The following CACNA1A variants were observed in gnomAD, a reference collection of about 807,000 sequenced individuals.
CACNA1A encodes calcium voltage-gated channel subunit alpha1 A.
A neutral mutation model predicts 262.4 loss-of-function variants in CACNA1A; 57 were observed. The ratio of observed to expected loss-of-function variants is 0.22; its 90% confidence interval spans 0.18 to 0.27. CACNA1A has a LOEUF of 0.27. Ranked by LOEUF, CACNA1A falls within the 10% of genes least tolerant of loss-of-function variation. The pLI, the probability that CACNA1A is intolerant of heterozygous loss-of-function variation, is 1.00. For missense variants in CACNA1A, 2,526 were observed against 3,562.8 expected (o/e 0.71, Z 7.41); for synonymous variants, 1,431 against 1,419.3 (o/e 1.01, Z -0.18).
At chr19:13,264,891 T>TC (rs1568475119) in intron 24 of CACNA1A, among the ~76,000 whole-genome samples, 10 of 150,742 alleles carry the variant, frequency 6.6e-5, no homozygotes, top group East Asian at 6.0e-4. Flanking sequence ...TTTTTTTTTT[T>TC]TGAGATGGAG....
In CACNA1A at chr19:13,505,989, A is replaced by T. The variant is rs1982990307; in HGVS notation, c.236T>A (p.Phe79Tyr). ...QNCLTVNRSL[F>Y]LFSEDNVVRK... ...CACCACGTTGTCTTCGCTGAAGAGG[A>T]AGAGAGACCGGTTAACCGTGAGGCA... The change falls in exon 1 of 47, where the codon TTC becomes TAC. Residue 79 changes from phenylalanine (F) to tyrosine (Y), a missense_variant. By Grantham distance (22) the Phe-to-Tyr change is conservative. Around this residue, in one of 17 missense-constraint regions of CACNA1A, gnomAD observed 77 missense variants for 228.4 expected, o/e 0.34. Coordinates refer to ENST00000360228, the MANE Select transcript of CACNA1A (RefSeq NM_001127222.2). 1 of 1,613,796 alleles carries T rather than the reference A, an allele frequency of 6.2e-7. No individual in the cohort carries two copies. Among genetic ancestry groups the T allele is most frequent in the Admixed American group, 1.7e-5 (1 of 60,000 alleles).
intron 17 of CACNA1A, among the ~76,000 whole-genome samples, chr19:13,302,375 C>G (rs1295855169): frequency 6.6e-6 from 1 of 152,184 alleles, no homozygotes; most frequent in East Asian, 1.9e-4. Context: ...TGCTTAATCC[C>G]TAAGTCCTAG....
In CACNA1A at chr19:13,207,438, AAGGCG is replaced by A. The variant is rs2054607619; in HGVS notation, c.7391_7395del (p.Ser2464PhefsTer37). Reference sequence around the variant, plus strand: ...TTGGGGAGTCGCCGGCCGTGCCGAGAAGGCGAGGCGCAGGCCGGGCCCGAGGCCCG... The same window carrying A: ...TTGGGGAGTCGCCGGCCGTGCCGAGAAGGCGCAGGCCGGGCCCGAGGCCCG... On this transcript the variant is annotated frameshift_variant, in exon 47 of 47. Coordinates refer to ENST00000360228, the MANE Select transcript of CACNA1A (RefSeq NM_001127222.2). LOFTEE classifies it high-confidence loss of function. The surrounding 1 kb of genome is among the most constrained non-coding windows in gnomAD (Gnocchi z 5.7). 3.3e-6 allele frequency: 5 copies of A among 1,518,684 alleles called. No individual in the cohort carries two copies. The South Asian group carries it at 3.6e-5, about 11-fold the overall frequency. 94.1% of individuals were successfully genotyped at this position (1,518,684 alleles called of 1,614,324 possible).
intron 3 of CACNA1A, among the ~76,000 whole-genome samples, chr19:13,418,149 T>C (rs534076467): frequency 1.7e-4 from 26 of 152,342 alleles, no homozygotes; most frequent in South Asian, 6.2e-4. Flanking sequence ...AACCCCACTC[T>C]GTCTTGATTT....
intron 30 of CACNA1A, among the ~76,000 whole-genome samples, chr19:13,248,140 A>G (rs1417501455): frequency 2.6e-5 from 4 of 151,944 alleles, no homozygotes; most frequent in Non-Finnish European, 1.5e-5. Context: ...CTTGCACTCA[A>G]TCCTTGTCTC....
At chr19:13,411,605 A>G (rs1381762985) in intron 3 of CACNA1A, among the ~76,000 whole-genome samples, 1 of 152,132 alleles carries the variant, frequency 6.6e-6, no homozygotes, top group Non-Finnish European at 1.5e-5. Flanking sequence ...GTATGTCTTT[A>G]TTAGCAGTGT....
Position 13,214,833 on chromosome 19 carries a change from TGCAGGAGACAGCCCG to T in CACNA1A, c.5732-240_5732-226del, listed in dbSNP as rs1033147382. Reference sequence around the variant, plus strand: ...TGGGGCCAGGACCATGGAGCAGCTGTGCAGGAGACAGCCCGGCATGGAGAACAGCTGGGCGACCTG... The same window carrying T: ...TGGGGCCAGGACCATGGAGCAGCTGTGCATGGAGAACAGCTGGGCGACCTG... On this transcript the variant is annotated intron_variant, in intron 38 of 46. Transcript: ENST00000360228. The surrounding 1 kb of genome is among the most constrained non-coding windows in gnomAD (Gnocchi z 4.1). 4 of 552,180 alleles carry T rather than the reference TGCAGGAGACAGCCCG, an allele frequency of 7.2e-6. No individual in the cohort carries two copies. In the African/African-American group the frequency reaches 7.5e-5, roughly 10 times the overall value. The allele number at this position is 552,180 out of a possible 1,614,324, so 34.2% of individuals were successfully genotyped here. A position where few individuals can be genotyped will look rare whatever the true frequency, so the allele number is the denominator to read the frequency against.
intron 40 of CACNA1A, among the ~76,000 whole-genome samples, chr19:13,213,524 C>T (rs898056542): frequency 1.5e-4 from 23 of 152,184 alleles, no homozygotes; most frequent in African/African-American, 1.2e-4. Flanking sequence ...GGAATGTCTG[C>T]TCCCTGAGGG....
chr19:13,460,246 T>C (rs1247560805), intron 1 of CACNA1A, among the ~76,000 whole-genome samples: 4 of 152,156 alleles, frequency 2.6e-5, no homozygotes, highest in African/African-American at 9.7e-5. Context: ...AGGGGATTTG[T>C]GTGCACCGGG....
intron 1 of CACNA1A, among the ~76,000 whole-genome samples, chr19:13,505,709 AG>A (rs1982947625): frequency 8.5e-6 from 1 of 117,282 alleles, no homozygotes; most frequent in South Asian, 3.1e-4. Flanking sequence ...CCCACCCCCC[AG>A]CCCCCCACAA....
chr19:13,490,750 A>G (rs1219854406), intron 1 of CACNA1A, among the ~76,000 whole-genome samples: 2 of 150,116 alleles, frequency 1.3e-5, no homozygotes, highest in African/African-American at 5.0e-5. Context: ...GAAAGAAAGA[A>G]AAGAAGGAAG....
chr19:13,265,425 T>C (rs1365674772), intron 24 of CACNA1A, among the ~76,000 whole-genome samples: 1 of 152,250 alleles, frequency 6.6e-6, no homozygotes, highest in Non-Finnish European at 1.5e-5. Context: ...TTTTTCATTT[T>C]TCAGGGAACA....
At position 13,209,324 on chromosome 19, in the gene CACNA1A, C is replaced by T. The variant is rs370289732; in HGVS notation, c.6514G>A (p.Asp2172Asn). 29 of 1,400,288 alleles carry T rather than the reference C, an allele frequency of 2.1e-5. No homozygotes were observed. Among genetic ancestry groups the T allele is most frequent in the South Asian group, 1.7e-5 (1 of 59,372 alleles). The allele number at this position is 1,400,288 out of a possible 1,614,324, so 86.7% of individuals were successfully genotyped here. ...CAGGGCTGCCCACCTGTGTCCACAT[C>T]GGTGTAGCGGCCCAGGGAGCGCTCA... is the stretch of plus-strand genomic sequence containing the variant. ...ASERSLGRYT[D>N]VDTGLGTDLS... The change falls in exon 45 of 47, where the codon GAT becomes AAT. Residue 2172 changes from aspartate (D) to asparagine (N), a missense_variant. Transcript: ENST00000360228.
chr19:13,462,518 A>G (rs2144985355), intron 1 of CACNA1A, among the ~76,000 whole-genome samples: 1 of 152,352 alleles, frequency 6.6e-6, no homozygotes, highest in East Asian at 1.9e-4. Flanking sequence ...ATTAACAAGC[A>G]CAGCGACCAT....
chr19:13,437,601 G>C (rs1342777533), intron 3 of CACNA1A, among the ~76,000 whole-genome samples: 1 of 141,782 alleles, frequency 7.1e-6, no homozygotes, highest in African/African-American at 2.6e-5. Flanking sequence ...TGAGGTGGGA[G>C]AATTGCTTGA....
At chr19:13,360,265 G>GTGTATATATA (rs941666561) in intron 5 of CACNA1A, among the ~76,000 whole-genome samples, 11 of 124,202 alleles carry the variant, frequency 8.9e-5, no homozygotes, top group African/African-American at 3.5e-4. Flanking sequence ...GTGTGTGTGT[G>GTGTATATATA]TATATATATA....
At chr19:13,426,106 A>G (rs1052856189) in intron 3 of CACNA1A, among the ~76,000 whole-genome samples, 1 of 152,152 alleles carries the variant, frequency 6.6e-6, no homozygotes, top group Non-Finnish European at 1.5e-5. Context: ...TGAGCTTCAC[A>G]CAACCAAAGA....
At chr19:13,436,104 T>C (rs538467407) in intron 3 of CACNA1A, among the ~76,000 whole-genome samples, 1 of 152,244 alleles carries the variant, frequency 6.6e-6, no homozygotes, top group East Asian at 1.9e-4. Context: ...GGATTACAGG[T>C]GTGAGCCACC....
At chr19:13,269,854 G>GT (rs2056971155) in intron 24 of CACNA1A, among the ~76,000 whole-genome samples, 2 of 152,278 alleles carry the variant, frequency 1.3e-5, no homozygotes, top group Admixed American at 1.3e-4. Flanking sequence ...ACATCCCTTG[G>GT]TGGGACCACA....
Sources: allele counts gnomAD v4.1 joint callset (sites outside exome capture counted in the v4.1 genomes callset), GRCh38; gene constraint gnomAD v4.1.1; regional missense constraint gnomAD v4.1.1; non-coding constraint Gnocchi (gnomAD v3.1); transcripts MANE v1.5; gene names NCBI Gene and HGNC (gene_info 2026-07-23, HGNC 2026-07-21).